Variants in UVRAG observed in about 807,000 individuals in gnomAD.
UVRAG encodes the protein UV radiation resistance associated.
Under a neutral mutation model 78.0 loss-of-function variants are expected in UVRAG, and 19 were observed. The observed-to-expected ratio is 0.24, with a 90% confidence interval of 0.17 to 0.36. The LOEUF is 0.36. UVRAG is among the 10% of genes least tolerant of loss of function. The pLI is 1.00. For synonymous variants in UVRAG, 323 were observed against 324.6 expected (o/e 1.00, Z 0.05); for missense variants, 740 against 853.8 (o/e 0.87, Z 1.66).
intron 6 of UVRAG, among the ~76,000 whole-genome samples, chr11:75,954,743 C>T (rs981387629): frequency 2.6e-5 from 4 of 152,230 alleles, no homozygotes; most frequent in Admixed American, 2.6e-4. Flanking sequence ...TTTATTTTTC[C>T]CCCAGAAAGA....
intron 8 of UVRAG, among the ~76,000 whole-genome samples, chr11:76,003,720 A>T (rs935551721): frequency 1.3e-5 from 2 of 152,200 alleles, no homozygotes; most frequent in Admixed American, 6.5e-5. Flanking sequence ...TTGATATCTT[A>T]TCAATTGCTG....
chr11:75,850,285 A>G (rs1946126362), intron 1 of UVRAG, among the ~76,000 whole-genome samples: 1 of 152,202 alleles, frequency 6.6e-6, no homozygotes, highest in Admixed American at 6.5e-5. Flanking sequence ...TCCTGCCTCA[A>G]TTTCAATTGG....
intron 14 of UVRAG, among the ~76,000 whole-genome samples, chr11:76,130,217 C>T (rs983931554): frequency 2.6e-5 from 4 of 152,182 alleles, no homozygotes; most frequent in Non-Finnish European, 4.4e-5. Context: ...CCTTTTCTGT[C>T]TGGGTCAGAT....
At chr11:76,139,261 C>T (rs1952658092) in intron 14 of UVRAG, among the ~76,000 whole-genome samples, 1 of 152,156 alleles carries the variant, frequency 6.6e-6, no homozygotes, top group African/African-American at 2.4e-5. Context: ...GAGCTGGGGC[C>T]AGGGCTTGTG....
chr11:76,017,540 A>AT (rs1950171519), intron 12 of UVRAG, among the ~76,000 whole-genome samples: 1 of 152,192 alleles, frequency 6.6e-6, no homozygotes, highest in African/African-American at 2.4e-5. Context: ...GAAATTACAA[A>AT]TTCAAGAAGC....
At chr11:75,871,832 A>G (rs1946658696) in intron 3 of UVRAG, among the ~76,000 whole-genome samples, 1 of 152,186 alleles carries the variant, frequency 6.6e-6, no homozygotes. Flanking sequence ...TAGTTGCTCT[A>G]TCCTTGCCCA....
At chr11:75,894,001 A>G (rs1474351112) in intron 5 of UVRAG, among the ~76,000 whole-genome samples, 1 of 152,174 alleles carries the variant, frequency 6.6e-6, no homozygotes, top group Admixed American at 6.5e-5. Flanking sequence ...CCCTTTACCC[A>G]TGCTGAATGA....
At chr11:75,897,327 T>G (rs935762899) in intron 5 of UVRAG, among the ~76,000 whole-genome samples, 1 of 152,176 alleles carries the variant, frequency 6.6e-6, no homozygotes, top group African/African-American at 2.4e-5. Flanking sequence ...TCTCTCAGTT[T>G]TAGGTTCCTC....
Position 76,083,892 on chromosome 11 carries a change from C to T in UVRAG, c.1305+18104C>T, listed in dbSNP as rs117364212. 4.3e-3 allele frequency among the ~76,000 whole-genome samples: 655 copies of T among 152,250 alleles called. 3 individuals are homozygous for T. Among genetic ancestry groups the T allele is most frequent in the Non-Finnish European group, 4.5e-3 (308 of 68,002 alleles). On this transcript the variant is annotated intron_variant, in intron 13 of 14. Coordinates refer to ENST00000356136, the MANE Select transcript of UVRAG (RefSeq NM_003369.4). ...AGGAGATCAAAAGAGACTTAAAACA[C>T]GTAAATGTTACTTTCAGGTTATTAT...
chr11:76,074,333 G>A (rs1951366750), intron 13 of UVRAG, among the ~76,000 whole-genome samples: 1 of 152,134 alleles, frequency 6.6e-6, no homozygotes, highest in Non-Finnish European at 1.5e-5. Context: ...CCCCAAATGT[G>A]GAAACATAAT....
intron 6 of UVRAG, among the ~76,000 whole-genome samples, chr11:75,933,208 T>C (rs1264787377): frequency 1.3e-5 from 2 of 152,100 alleles, no homozygotes; most frequent in Admixed American, 6.6e-5. Flanking sequence ...AATCCATACA[T>C]CTACAGTTAA....
chr11:75,879,207 G>C (rs369160680), intron 3 of UVRAG, among the ~76,000 whole-genome samples: 35 of 152,276 alleles, frequency 2.3e-4, no homozygotes, highest in African/African-American at 7.5e-4. Flanking sequence ...AGATCCTTCA[G>C]TTCAGTTCCT....
At chr11:75,989,778 C>G (rs143071925) in intron 8 of UVRAG, among the ~76,000 whole-genome samples, 2 of 152,314 alleles carry the variant, frequency 1.3e-5, no homozygotes, top group Non-Finnish European at 2.9e-5. Flanking sequence ...GTCGTCTTAT[C>G]TTCGCACTTA....
At chr11:75,933,369 A>C (rs962709185) in intron 6 of UVRAG, among the ~76,000 whole-genome samples, 3 of 152,220 alleles carry the variant, frequency 2.0e-5, no homozygotes, top group African/African-American at 7.2e-5. Context: ...AAGTGGGTTA[A>C]AGACATGAAT....
rs150435458 is a variant in UVRAG, at chr11:75,935,783, C to T, written c.593+23744C>T. Among the ~76,000 whole-genome samples, 1,485 of 152,168 alleles carry T rather than the reference C, an allele frequency of 9.8e-3. 18 individuals are homozygous for T. The highest frequency in any genetic ancestry group is 0.015 in the Non-Finnish European group (1,009 of 68,002). ...TCCCAAAATAAATCATGGATATTTG[C>T]TACAAATACGAACATCCTTCTAGAT... On this transcript the variant is annotated intron_variant, in intron 6 of 14. Transcript: ENST00000356136.
intron 11 of UVRAG, chr11:76,012,957 G>A (rs910350548): frequency 1.1e-4 from 16 of 151,880 alleles, no homozygotes; most frequent in African/African-American, 3.9e-4. Flanking sequence ...GAGTCCATAT[G>A]TCAAACAATG....
At chr11:75,875,473 T>G (rs923505135) in intron 3 of UVRAG, among the ~76,000 whole-genome samples, 3 of 151,804 alleles carry the variant, frequency 2.0e-5, no homozygotes, top group African/African-American at 2.4e-5. Flanking sequence ...TGAATTAGTT[T>G]TTTTTTTTTT....
At chr11:76,076,359 G>A (rs1464695163) in intron 13 of UVRAG, among the ~76,000 whole-genome samples, 2 of 152,204 alleles carry the variant, frequency 1.3e-5, no homozygotes, top group Non-Finnish European at 2.9e-5. Context: ...CAAAGTAGAA[G>A]CAATTTTACT....
Position 75,815,472 on chromosome 11 carries a change from T to G in UVRAG, c.65T>G (p.Leu22Arg). 8.0e-7 allele frequency: 1 copy of G among 1,245,996 alleles called. No individual in the cohort carries two copies. The allele number at this position is 1,245,996 out of a possible 1,614,324, so 77.2% of individuals were successfully genotyped here. A position where few individuals can be genotyped will look rare whatever the true frequency, so the allele number is the denominator to read the frequency against. Reference protein sequence around the residue: ...PQPPPGPAAALPPGSAARALH... With the variant: ...PQPPPGPAAARPPGSAARALH... Reference sequence around the variant, plus strand: ...CCACCCCCGGGCCCGGCCGCTGCTCTGCCTCCCGGTTCTGCCGCGCGGGCC... The same window carrying G: ...CCACCCCCGGGCCCGGCCGCTGCTCGGCCTCCCGGTTCTGCCGCGCGGGCC... Residue 22 changes from leucine to arginine, a missense_variant, in exon 1 of 15, where the codon CTG becomes CGG. Leu to Arg is a moderately radical substitution (Grantham distance 102, BLOSUM62 -2). Transcript: ENST00000356136.
Sources: allele counts gnomAD v4.1 joint callset (sites outside exome capture counted in the v4.1 genomes callset), GRCh38; gene constraint gnomAD v4.1.1; transcripts MANE v1.5; gene names NCBI Gene and HGNC (gene_info 2026-07-23, HGNC 2026-07-21).